GPLD1: variants seen among roughly 807,000 people sequenced by gnomAD.
GPLD1 encodes glycosylphosphatidylinositol specific phospholipase D1.
Under a neutral mutation model 112.6 loss-of-function variants are expected in GPLD1, and 84 were observed. The observed-to-expected ratio is 0.75, with a 90% CI of 0.63 to 0.89. GPLD1 has a LOEUF of 0.89. Ranked by LOEUF, GPLD1 falls within the 40% of genes least tolerant of loss-of-function variation. GPLD1 has a pLI of 0.00. For synonymous variants in GPLD1, 386 were observed against 403.8 expected (o/e 0.96, Z 0.53); for missense variants, 1,044 against 1,051.5 (o/e 0.99, Z 0.10).
chr6:24,481,348 T>A (rs990558425), intron 2 of GPLD1, among the ~76,000 whole-genome samples: 1 of 151,966 alleles, frequency 6.6e-6, no homozygotes, highest in African/African-American at 2.4e-5. Flanking sequence ...CCGCCCTTTT[T>A]TTTTTTTTTT....
At position 24,482,165 on chromosome 6, in the gene GPLD1, T is replaced by C. The variant is rs917146439; in HGVS notation, c.154-2206A>G. Among the ~76,000 whole-genome samples the C allele has an allele frequency of 2.7e-5, 4 of 149,282 alleles. No individual in the cohort carries two copies. The Admixed American group carries it at 2.7e-4, about 10-fold the overall frequency. On this transcript the variant is annotated intron_variant, in intron 2 of 24. Transcript: ENST00000230036. The stretch of plus-strand genomic sequence containing the variant: ...ACCGGGCTGGAGTGCAGTGGCGTGA[T>C]CTCAGCTCACTGTAACCTCTGCCTT...
intron 10 of GPLD1, among the ~76,000 whole-genome samples, chr6:24,464,167 A>C (rs1005158363): frequency 1.3e-5 from 2 of 152,172 alleles, no homozygotes; most frequent in Non-Finnish European, 2.9e-5. Context: ...AATAATAGTA[A>C]CCAATACTTA....
intron 24 of GPLD1, among the ~76,000 whole-genome samples, 179 bp from the exon 25 acceptor site, chr6:24,429,297 A>G (rs148492979): frequency 2.3e-3 from 343 of 152,318 alleles, no homozygotes; most frequent in African/African-American, 7.4e-3. Context: ...TCTCACATCT[A>G]TAAGTTCTGA....
intron 7 of GPLD1, 87 bp downstream of exon 7, chr6:24,472,490 TAATTA>T: frequency 1.3e-6 from 1 of 752,344 alleles, no homozygotes; most frequent in Non-Finnish European, 2.4e-6. Context: ...AGAAGACTTC[TAATTA>T]TATTGTCAGT....
At chr6:24,462,909 C>A in intron 10 of GPLD1, 114 bp from the exon 11 acceptor site, 1 of 780,842 alleles carries the variant, frequency 1.3e-6, no homozygotes. Context: ...GTGTTTATTA[C>A]CTAGCCATAC....
chr6:24,436,523 C>T (rs1762581739), intron 22 of GPLD1, 53 bp downstream of exon 22: 3 of 1,477,398 alleles, frequency 2.0e-6, no homozygotes, highest in African/African-American at 2.8e-5. Flanking sequence ...AACAAGGAAT[C>T]AGCAATTAGT....
chr6:24,471,857 C>G (rs1277862133), intron 7 of GPLD1, among the ~76,000 whole-genome samples: 1 of 152,192 alleles, frequency 6.6e-6, no homozygotes, highest in Admixed American at 6.5e-5. Context: ...GTAGCTGGGA[C>G]TACAGATGCT....
chr6:24,445,870 A>G, intron 18 of GPLD1, 39 bp from the exon 19 acceptor site: 1 of 1,405,434 alleles, frequency 7.1e-7, no homozygotes, highest in South Asian at 1.2e-5. Flanking sequence ...CCAGGGCACA[A>G]GACTGACAGC....
At chr6:24,450,645 A>G (rs919595664) in intron 14 of GPLD1, among the ~76,000 whole-genome samples, 4 of 152,214 alleles carry the variant, frequency 2.6e-5, no homozygotes, top group Non-Finnish European at 4.4e-5. Context: ...GGGCTGTTAC[A>G]TTTAAATTTA....
At chr6:24,451,647 T>G (rs923806584) in intron 14 of GPLD1, among the ~76,000 whole-genome samples, 1 of 152,222 alleles carries the variant, frequency 6.6e-6, no homozygotes, top group Non-Finnish European at 1.5e-5. Flanking sequence ...GGTTCTCCAA[T>G]TCTTTCACAA....
chr6:24,433,352 G>C lies in GPLD1; in HGVS notation c.2385+11C>G. On this transcript the variant is annotated intron_variant, in intron 23 of 24. Transcript: ENST00000230036. ...AATTTTTCTTTCTTCAGTCTTTCAA[G>C]GGATACTTACTTCAGGAGAAATCAA... 6.2e-7 allele frequency: 1 copy of C among 1,608,024 alleles called. No homozygotes were observed. Among genetic ancestry groups the C allele is most frequent in the Non-Finnish European group, 8.5e-7 (1 of 1,174,534 alleles).
chr6:24,479,788 T>C, intron 3 of GPLD1, 93 bp downstream of exon 3: 1 of 664,870 alleles, frequency 1.5e-6, no homozygotes, highest in Non-Finnish European at 2.6e-6. Context: ...TAAAAATATA[T>C]TGTACACACA....
intron 6 of GPLD1, 25 bp downstream of exon 6, chr6:24,473,593 AT>A (rs766353948): frequency 2.7e-6 from 4 of 1,509,128 alleles, no homozygotes; most frequent in Admixed American, 1.7e-5. Context: ...CCACGAGAAA[AT>A]TTAGCAAATG....
At chr6:24,453,258 T>C (rs1763151719) in intron 14 of GPLD1, among the ~76,000 whole-genome samples, 1 of 151,974 alleles carries the variant, frequency 6.6e-6, no homozygotes, top group South Asian at 2.1e-4. Context: ...AAGTATACCA[T>C]AATTATGTAA....
At chr6:24,475,310 T>A in intron 4 of GPLD1, 79 bp from the exon 5 acceptor site, 1 of 800,996 alleles carries the variant, frequency 1.2e-6, no homozygotes, top group Non-Finnish European at 2.1e-6. Context: ...TTAATAAATA[T>A]AAATTCATTT....
chr6:24,457,561 T>C (rs114528256), intron 12 of GPLD1, among the ~76,000 whole-genome samples: 207 of 141,872 alleles, frequency 1.5e-3, no homozygotes, highest in African/African-American at 5.0e-3. Flanking sequence ...AACAAACAAA[T>C]AAACTGGAAC....
intron 13 of GPLD1, among the ~76,000 whole-genome samples, chr6:24,455,775 T>C (rs1339002103): frequency 6.6e-6 from 1 of 152,242 alleles, no homozygotes; most frequent in Non-Finnish European, 1.5e-5. Flanking sequence ...CATGAAACAA[T>C]CCTTTATTGT....
chr6:24,477,662 T>A (rs1561855088), intron 3 of GPLD1, among the ~76,000 whole-genome samples: 1 of 151,966 alleles, frequency 6.6e-6, no homozygotes. Flanking sequence ...GCCAGGAGTT[T>A]GAGGCTGTAA....
At chr6:24,475,004 T>C in intron 5 of GPLD1, 117 bp downstream of exon 5, 2 of 618,630 alleles carry the variant, frequency 3.2e-6, no homozygotes, top group East Asian at 5.2e-5. Flanking sequence ...AAACACTGCT[T>C]TGGGCAGAAG....
Sources: allele counts gnomAD v4.1 joint callset (sites outside exome capture counted in the v4.1 genomes callset), GRCh38; gene constraint gnomAD v4.1.1; transcripts MANE v1.5; gene names NCBI Gene and HGNC (gene_info 2026-07-23, HGNC 2026-07-21).